AMPH: variants seen among roughly 807,000 people sequenced by gnomAD.
The protein encoded by AMPH is amphiphysin.
AMPH carries 49 observed loss-of-function variants against 99.1 expected under a neutral mutation model. The ratio of observed to expected loss-of-function variants is 0.49; its 90% CI spans 0.39 to 0.63. AMPH has a LOEUF of 0.63. Among genes scored for constraint, AMPH ranks in the 20% least tolerant of loss-of-function variants. The probability of loss-of-function intolerance (pLI) is 0.00; values close to 1 mark genes in which losing one functional copy is unlikely to be tolerated. For missense variants in AMPH, 759 were observed against 863.4 expected, an observed-to-expected ratio of 0.88 and a Z score of 1.52; for synonymous variants, 314 against 317.3, an observed-to-expected ratio of 0.99 and a Z score of 0.11.
chr7:38,420,666 AAG>A (rs1461375099), intron 16 of AMPH, among the ~76,000 whole-genome samples: 1 of 151,624 alleles, frequency 6.6e-6, no homozygotes, highest in Admixed American at 6.6e-5. Flanking sequence ...AATACAGAGG[AAG>A]AGGAGATGGG....
intron 1 of AMPH, among the ~76,000 whole-genome samples, chr7:38,623,755 T>G (rs921417258): frequency 6.6e-6 from 1 of 152,100 alleles, no homozygotes; most frequent in Non-Finnish European, 1.5e-5. Flanking sequence ...ATGCACACCA[T>G]CCACAATATT....
intron 1 of AMPH, among the ~76,000 whole-genome samples, chr7:38,612,812 T>C (rs1326559075): frequency 2.0e-5 from 3 of 152,218 alleles, no homozygotes; most frequent in African/African-American, 7.2e-5. Flanking sequence ...GTTCAAAGTT[T>C]AAACAAGGTG....
intron 1 of AMPH, among the ~76,000 whole-genome samples, chr7:38,547,377 G>A (rs752142218): frequency 1.3e-5 from 2 of 152,136 alleles, no homozygotes; most frequent in African/African-American, 4.8e-5. Context: ...TGTGCGTTAC[G>A]GTGTAGAAAC....
intron 1 of AMPH, among the ~76,000 whole-genome samples, chr7:38,569,307 C>A (rs1357214960): frequency 6.6e-6 from 1 of 150,446 alleles, no homozygotes; most frequent in Non-Finnish European, 1.5e-5. Context: ...ACTAAGTATG[C>A]AATTTACAAT....
At chr7:38,535,356 C>T (rs1790559263) in intron 1 of AMPH, among the ~76,000 whole-genome samples, 1 of 152,166 alleles carries the variant, frequency 6.6e-6, no homozygotes, top group Admixed American at 6.5e-5. Context: ...AAGCATCTGG[C>T]ACAATGCTGA....
intron 1 of AMPH, among the ~76,000 whole-genome samples, chr7:38,556,611 G>A (rs1482290733): frequency 2.0e-5 from 3 of 152,226 alleles, no homozygotes; most frequent in African/African-American, 4.8e-5. Context: ...TGGCAAAGGA[G>A]AAAGCACATC....
At chr7:38,394,445 G>A (rs561049824) in intron 17 of AMPH, among the ~76,000 whole-genome samples, 1 of 152,316 alleles carries the variant, frequency 6.6e-6, no homozygotes, top group South Asian at 2.1e-4. Flanking sequence ...CCTGCTGTCA[G>A]GTGTAGCAAA....
chr7:38,622,261 A>G (rs556319714), intron 1 of AMPH, among the ~76,000 whole-genome samples: 4 of 152,160 alleles, frequency 2.6e-5, no homozygotes, highest in Admixed American at 6.5e-5. Context: ...AGTCTTTTAA[A>G]ATTGTGTTTG....
rs1215102105 is a variant in AMPH, at chr7:38,491,041, G to A, written c.396+9C>T. 8.2e-6 allele frequency: 13 copies of A among 1,582,804 alleles called. No homozygotes were observed. The highest frequency in any genetic ancestry group is 1.1e-5 in the Non-Finnish European group (13 of 1,152,054). The stretch of plus-strand genomic sequence containing the variant: ...CAATCCTTCCCTTTATAGACACAGA[G>A]TAAAATACCTTTATGTCAGGAAATT... On this transcript the variant is annotated intron_variant, in intron 5 of 20. Transcript: ENST00000356264.
At chr7:38,513,305 C>T (rs893697904) in intron 2 of AMPH, among the ~76,000 whole-genome samples, 12 of 152,240 alleles carry the variant, frequency 7.9e-5, no homozygotes, top group Admixed American at 7.8e-4. Flanking sequence ...TAGCCAATCA[C>T]ACAACAATTT....
At chr7:38,414,199 A>G (rs1210724855) in intron 17 of AMPH, among the ~76,000 whole-genome samples, 1 of 152,242 alleles carries the variant, frequency 6.6e-6, no homozygotes, top group African/African-American at 2.4e-5. Context: ...TGATATGTAT[A>G]TATTTGTTGG....
At chr7:38,453,954 C>T (rs1031663563) in intron 11 of AMPH, among the ~76,000 whole-genome samples, 17 of 152,206 alleles carry the variant, frequency 1.1e-4, no homozygotes, top group Non-Finnish European at 2.2e-4. Flanking sequence ...TAGAATTGCT[C>T]AAGTTTGTCC....
chr7:38,396,307 A>G (rs1030361086), intron 17 of AMPH, among the ~76,000 whole-genome samples: 46 of 152,276 alleles, frequency 3.0e-4, no homozygotes, highest in East Asian at 1.9e-4. Context: ...GGGTCTCACC[A>G]GATTTGATGG....
At chr7:38,427,487 C>T (rs1584075004) in intron 14 of AMPH, among the ~76,000 whole-genome samples, 1 of 152,168 alleles carries the variant, frequency 6.6e-6, no homozygotes, top group African/African-American at 2.4e-5. Flanking sequence ...CTTGGTTTAG[C>T]ACATTTTTAG....
intron 1 of AMPH, among the ~76,000 whole-genome samples, chr7:38,610,547 C>A (rs13240006): frequency 0.043 from 6,550 of 151,242 alleles, 212 homozygotes; most frequent in East Asian, 0.13. Flanking sequence ...TAGAACCTAC[C>A]ATGTTTTGAG....
intron 5 of AMPH, among the ~76,000 whole-genome samples, chr7:38,482,280 C>T (rs1010626581): frequency 3.3e-5 from 5 of 152,014 alleles, no homozygotes; most frequent in African/African-American, 7.2e-5. Context: ...AAAACCTTAA[C>T]GTATATTTAC....
chr7:38,476,937 C>T lies in AMPH; in HGVS notation c.429G>A (p.Val143=), dbSNP rs745948753. Residue 143 remains valine, a synonymous_variant, in exon 6 of 21, where the codon GTG becomes GTA. Transcript: ENST00000356264. ...GATGGTGGCGGGCACTGTCATAGTC[C>T]ACTAGCTTCCTGCTGCGCTTGGCGA... is the stretch of plus-strand genomic sequence containing the variant. ...NRIAKRSRKL[V]DYDSARHHLE... 1.2e-5 allele frequency: 19 copies of T among 1,613,632 alleles called. No individual in the cohort carries two copies. Among genetic ancestry groups the T allele is most frequent in the Middle Eastern group, 3.3e-4 (2 of 6,082 alleles).
chr7:38,553,474 T>C (rs1178911145), intron 1 of AMPH, among the ~76,000 whole-genome samples: 1 of 152,164 alleles, frequency 6.6e-6, no homozygotes, highest in Admixed American at 6.5e-5. Flanking sequence ...CAAATATACA[T>C]AGTCACGGAA....
chr7:38,469,417 G>A (rs1324361855), intron 7 of AMPH, among the ~76,000 whole-genome samples: 1 of 152,120 alleles, frequency 6.6e-6, no homozygotes, highest in African/African-American at 2.4e-5. Context: ...GCTACAGATT[G>A]CAGACCTGAG....
Sources: gnomAD v4.1 joint callset for allele counts (sites outside exome capture counted in the v4.1 genomes callset) on GRCh38, gnomAD v4.1.1 for gene constraint, MANE v1.5 for transcripts, NCBI Gene and HGNC (gene_info 2026-07-23, HGNC 2026-07-21) for gene names.